The following TMEM45A variants were observed in gnomAD, a reference collection of about 807,000 sequenced individuals.
The protein encoded by TMEM45A is transmembrane protein 45A.
Under a neutral mutation model 32.0 loss-of-function variants are expected in TMEM45A, and 25 were observed. The observed-to-expected ratio is 0.78, with a 90% CI of 0.57 to 1.09. The LOEUF (loss-of-function observed/expected upper bound fraction) is 1.09. Among genes scored for constraint, TMEM45A ranks in the 50% least tolerant of loss-of-function variants. TMEM45A has a pLI of 0.00. For synonymous variants in TMEM45A, 122 were observed against 114.8 expected, an observed-to-expected ratio of 1.06 and a Z score of -0.40; for missense variants, 302 against 325.0, an observed-to-expected ratio of 0.93 and a Z score of 0.54.
chr3:100,532,486 C>T (rs909919242), intron 1 of TMEM45A, among the ~76,000 whole-genome samples: 4 of 152,186 alleles, frequency 2.6e-5, no homozygotes, highest in African/African-American at 7.2e-5. Flanking sequence ...TCAGGTGATG[C>T]GGCCGGCCCA....
intron 4 of TMEM45A, among the ~76,000 whole-genome samples, chr3:100,560,204 T>C (rs71315203): frequency 1.1e-4 from 16 of 152,266 alleles, no homozygotes; most frequent in Admixed American, 2.0e-4. Flanking sequence ...TGTCCATTTC[T>C]TCTTATGTTC....
At chr3:100,523,810 C>T (rs1004020481) in intron 1 of TMEM45A, among the ~76,000 whole-genome samples, 62 of 144,556 alleles carry the variant, frequency 4.3e-4, no homozygotes, top group Admixed American at 7.7e-4. Flanking sequence ...TCTCCTCCTC[C>T]TCCTCCTTCT....
chr3:100,534,391 G>A (rs1705702613), intron 1 of TMEM45A, among the ~76,000 whole-genome samples: 1 of 152,198 alleles, frequency 6.6e-6, no homozygotes, highest in African/African-American at 2.4e-5. Context: ...AGGGAGGCAG[G>A]AGGATCGGAC....
intron 1 of TMEM45A, among the ~76,000 whole-genome samples, chr3:100,506,360 A>G (rs1708080760): frequency 3.0e-5 from 4 of 131,358 alleles, no homozygotes. Flanking sequence ...TTATGGGAAT[A>G]AAAAAAAAAT....
chr3:100,557,527 G>A (rs976971641), intron 3 of TMEM45A, among the ~76,000 whole-genome samples: 2 of 145,482 alleles, frequency 1.4e-5, no homozygotes, highest in Non-Finnish European at 3.0e-5. Flanking sequence ...GTTACTGTAG[G>A]GAGGAAAAAA....
At chr3:100,551,356 G>A (rs1706098733) in intron 1 of TMEM45A, among the ~76,000 whole-genome samples, 1 of 152,156 alleles carries the variant, frequency 6.6e-6, no homozygotes, top group African/African-American at 2.4e-5. Flanking sequence ...GATCAGGTAG[G>A]AGGGTACGGA....
chr3:100,562,519 C>T (rs927305256), intron 4 of TMEM45A, among the ~76,000 whole-genome samples: 2 of 152,158 alleles, frequency 1.3e-5, no homozygotes, highest in Admixed American at 6.5e-5. Context: ...TTTCTCTTCT[C>T]CTGATGTAAA....
chr3:100,544,622 C>A (rs1413404055), intron 1 of TMEM45A, among the ~76,000 whole-genome samples: 3 of 152,108 alleles, frequency 2.0e-5, no homozygotes, highest in Non-Finnish European at 2.9e-5. Flanking sequence ...AGTAAGTACC[C>A]TTTAGTGTCT....
At chr3:100,554,840 A>G (rs747697260) in intron 1 of TMEM45A, among the ~76,000 whole-genome samples, 2 of 152,330 alleles carry the variant, frequency 1.3e-5, no homozygotes, top group Non-Finnish European at 2.9e-5. Context: ...CTTTTGCTTA[A>G]TATTTGTGAG....
chr3:100,527,044 A>C (rs1377389493), intron 1 of TMEM45A, among the ~76,000 whole-genome samples: 1 of 152,180 alleles, frequency 6.6e-6, no homozygotes, highest in Non-Finnish European at 1.5e-5. Flanking sequence ...ATTATAATAT[A>C]TATGCTTTTT....
rs112160429 is a variant in TMEM45A at position 100,567,604 on chromosome 3, G to T, written c.589-1218G>T. 3.3e-3 allele frequency among the ~76,000 whole-genome samples: 492 copies of T among 149,854 alleles called. 3 individuals are homozygous for T. In the Middle Eastern group the frequency reaches 0.035, roughly 11 times the overall value. On this transcript the variant is annotated intron_variant, in intron 4 of 5. Coordinates refer to ENST00000323523, the MANE Select transcript of TMEM45A (RefSeq NM_018004.3). ...TAGATTGCTTTGGGTGGTATTGCCAGCTCAACAGTATTAAGCTTCCAGTCT... is the reference window on the plus strand; with the variant it reads ...TAGATTGCTTTGGGTGGTATTGCCATCTCAACAGTATTAAGCTTCCAGTCT...
intron 1 of TMEM45A, among the ~76,000 whole-genome samples, chr3:100,554,618 A>G (rs139228409): frequency 6.6e-6 from 1 of 152,134 alleles, no homozygotes; most frequent in Non-Finnish European, 1.5e-5. Context: ...GATGAACACT[A>G]ATTGTTTCTT....
At chr3:100,503,551 G>C (rs1708036077) in intron 1 of TMEM45A, among the ~76,000 whole-genome samples, 1 of 152,196 alleles carries the variant, frequency 6.6e-6, no homozygotes, top group African/African-American at 2.4e-5. Flanking sequence ...AATTGGGCCT[G>C]TTTCTCCTTC....
chr3:100,537,732 G>T (rs947394820), intron 1 of TMEM45A, among the ~76,000 whole-genome samples: 3 of 152,220 alleles, frequency 2.0e-5, no homozygotes, highest in Non-Finnish European at 4.4e-5. Context: ...ATAGCCAAAC[G>T]TTCACACAGG....
At chr3:100,532,110 A>G (rs1705658442) in intron 1 of TMEM45A, among the ~76,000 whole-genome samples, 1 of 152,232 alleles carries the variant, frequency 6.6e-6, no homozygotes, top group Non-Finnish European at 1.5e-5. Context: ...CACATTCAGC[A>G]TAATTTGTCC....
intron 1 of TMEM45A, among the ~76,000 whole-genome samples, chr3:100,529,738 A>C (rs944779867): frequency 6.6e-6 from 1 of 152,106 alleles, no homozygotes; most frequent in Non-Finnish European, 1.5e-5. Context: ...CTCCCACCTC[A>C]GCCTCCTGAG....
intron 1 of TMEM45A, among the ~76,000 whole-genome samples, chr3:100,515,549 A>G (rs1213508715): frequency 6.6e-6 from 1 of 151,354 alleles, no homozygotes; most frequent in African/African-American, 2.4e-5. Flanking sequence ...TAGTGGGTGC[A>G]GCGCACCAGC....
intron 4 of TMEM45A, among the ~76,000 whole-genome samples, chr3:100,562,273 G>C (rs556107617): frequency 2.6e-5 from 4 of 152,064 alleles, no homozygotes; most frequent in African/African-American, 9.6e-5. Context: ...ACAAATAAAA[G>C]TGTGGTTTCT....
chr3:100,523,848 T>G (rs150762537), intron 1 of TMEM45A, among the ~76,000 whole-genome samples: 1 of 152,116 alleles, frequency 6.6e-6, no homozygotes, highest in East Asian at 1.9e-4. Context: ...TTTCTCCTTC[T>G]TATTCCTTTT....
Sources: gnomAD v4.1 joint callset for allele counts (sites outside exome capture counted in the v4.1 genomes callset) on GRCh38, gnomAD v4.1.1 for gene constraint, MANE v1.5 for transcripts, NCBI Gene and HGNC (gene_info 2026-07-23, HGNC 2026-07-21) for gene names.